The following IQCM variants were observed in gnomAD, a reference collection of about 807,000 sequenced individuals.
The protein encoded by IQCM is IQ motif containing M, also known as IQ domain-containing protein M.
A neutral mutation model predicts 57.6 loss-of-function variants in IQCM; 45 were observed. That is an observed-to-expected ratio of 0.78 (90% CI 0.62 to 1.00). The LOEUF is 1.00. Ranked by LOEUF, IQCM falls within the 50% of genes least tolerant of loss-of-function variation. The pLI, the probability that IQCM is intolerant of heterozygous loss-of-function variation, is 0.00. For synonymous variants in IQCM, 148 were observed against 158.9 expected (o/e 0.93, Z 0.51); for missense variants, 468 against 511.6 (o/e 0.91, Z 0.82).
intron 12 of IQCM, among the ~76,000 whole-genome samples, chr4:149,499,127 G>A (rs1477430908): frequency 6.6e-6 from 1 of 152,034 alleles, no homozygotes; most frequent in African/African-American, 2.4e-5. Flanking sequence ...ATAAAGCAGA[G>A]AAAGCATATA....
At chr4:149,564,951 T>A (rs1750473458) in intron 9 of IQCM, among the ~76,000 whole-genome samples, 1 of 152,222 alleles carries the variant, frequency 6.6e-6, no homozygotes. Flanking sequence ...TAACCTTGTG[T>A]CAGCTTTTTC....
At chr4:149,694,392 T>C (rs915772032) in intron 5 of IQCM, among the ~76,000 whole-genome samples, 2 of 151,756 alleles carry the variant, frequency 1.3e-5, no homozygotes, top group African/African-American at 2.4e-5. Context: ...GCCCGGCTAA[T>C]TTTTTGTATT....
At chr4:149,468,459 G>T (rs1192223194) in intron 12 of IQCM, among the ~76,000 whole-genome samples, 1 of 152,318 alleles carries the variant, frequency 6.6e-6, no homozygotes, top group East Asian at 1.9e-4. Context: ...GGCTTGAATA[G>T]GTAAAAGGAA....
chr4:149,449,484 T>G (rs536113274), intron 12 of IQCM, among the ~76,000 whole-genome samples: 37 of 149,194 alleles, frequency 2.5e-4, no homozygotes, highest in Non-Finnish European at 4.8e-4. Context: ...ACCAAAAAAG[T>G]ATTATTACTG....
intron 13 of IQCM, among the ~76,000 whole-genome samples, chr4:149,366,047 G>A (rs1406602102): frequency 6.6e-6 from 1 of 152,078 alleles, no homozygotes; most frequent in Non-Finnish European, 1.5e-5. Context: ...AGAAGTAGGG[G>A]AGGGAATTCT....
chr4:149,804,306 T>C (rs1773880743), intron 2 of IQCM, among the ~76,000 whole-genome samples: 1 of 152,040 alleles, frequency 6.6e-6, no homozygotes, highest in Non-Finnish European at 1.5e-5. Context: ...TTACAAAGTA[T>C]GGGGGCCTTC....
Position 149,433,534 on chromosome 4 carries a change from G to C in IQCM, c.1252C>G (p.Leu418Val). ...HQDGKEKYSE[L>V]IKKSKAIEML... ...TCAATTGCTTTGGACTTTTTGATTAGTTCAGAATATTTTTCTTTGCCATCT... is the reference window on the plus strand; with the variant it reads ...TCAATTGCTTTGGACTTTTTGATTACTTCAGAATATTTTTCTTTGCCATCT... Residue 418 changes from leucine (L) to valine (V), a missense_variant, in exon 13 of 14, where the codon CTA becomes GTA. Coordinates refer to ENST00000636793, the MANE Select transcript of IQCM (RefSeq NM_001363507.2). 1 of 1,176,638 alleles carries C rather than the reference G, an allele frequency of 8.5e-7. No individual in the cohort carries two copies. The highest frequency in any genetic ancestry group is 1.1e-6 in the Non-Finnish European group (1 of 938,016). The allele number at this position is 1,176,638 out of a possible 1,614,324, so 72.9% of individuals were successfully genotyped here.
chr4:149,393,111 G>C (rs1029315519), intron 13 of IQCM, among the ~76,000 whole-genome samples: 2 of 151,910 alleles, frequency 1.3e-5, no homozygotes, highest in Admixed American at 1.3e-4. Flanking sequence ...GGAATTTAAG[G>C]CTAGTGAGCT....
chr4:149,510,475 AT>A (rs990075552), intron 12 of IQCM, among the ~76,000 whole-genome samples: 2 of 152,152 alleles, frequency 1.3e-5, no homozygotes, highest in Admixed American at 1.3e-4. Flanking sequence ...TTTTGGAAGA[AT>A]TTTAGATTTA....
At chr4:149,482,149 ATTTG>A (rs1740972908) in intron 12 of IQCM, among the ~76,000 whole-genome samples, 2 of 151,920 alleles carry the variant, frequency 1.3e-5, no homozygotes, top group Admixed American at 1.3e-4. Flanking sequence ...CTTAACTGAA[ATTTG>A]TTTTTCAGTT....
chr4:149,764,364 C>T (rs1167838064), intron 2 of IQCM, among the ~76,000 whole-genome samples: 8 of 152,166 alleles, frequency 5.3e-5, no homozygotes, highest in Non-Finnish European at 1.0e-4. Context: ...CCTCACTAGC[C>T]TGGACAGACT....
intron 2 of IQCM, among the ~76,000 whole-genome samples, chr4:149,784,970 A>C: frequency 6.6e-6 from 1 of 152,344 alleles, no homozygotes; most frequent in Middle Eastern, 3.4e-3. Context: ...AACAATCAAA[A>C]TGAATACACT....
chr4:149,622,602 C>T lies in IQCM; in HGVS notation c.566-1358G>A, dbSNP rs1489315587. 3.3e-5 allele frequency among the ~76,000 whole-genome samples: 5 copies of T among 152,086 alleles called. No homozygotes were observed. The East Asian group carries it at 7.7e-4, about 23-fold the overall frequency. ...ATTCAACGGAAGCAAAGGCCAATAA[C>T]GAGTAGCTTGTAGAGAATCTGAGCA... On this transcript the variant is annotated intron_variant, in intron 7 of 13. Transcript: ENST00000636793.
chr4:149,495,214 G>A (rs1742531057), intron 12 of IQCM, among the ~76,000 whole-genome samples: 1 of 152,038 alleles, frequency 6.6e-6, no homozygotes, highest in African/African-American at 2.4e-5. Context: ...ACTCTCTTAT[G>A]GCATGGATAT....
chr4:149,440,559 T>C (rs1289234883), intron 12 of IQCM, among the ~76,000 whole-genome samples: 1 of 152,122 alleles, frequency 6.6e-6, no homozygotes. Flanking sequence ...CTTTATGCAT[T>C]TACTCAACAA....
chr4:149,570,594 G>A (rs1367491841), intron 9 of IQCM, among the ~76,000 whole-genome samples: 1 of 151,980 alleles, frequency 6.6e-6, no homozygotes, highest in Non-Finnish European at 1.5e-5. Context: ...ACTGACAGGG[G>A]CAATAAAAAT....
chr4:149,707,373 C>A (rs1486076694), intron 5 of IQCM, among the ~76,000 whole-genome samples: 2 of 151,994 alleles, frequency 1.3e-5, no homozygotes, highest in African/African-American at 4.8e-5. Flanking sequence ...ACAATAGACA[C>A]ATTGTTTATA....
chr4:149,596,413 C>T (rs766592251), intron 8 of IQCM, among the ~76,000 whole-genome samples: 9 of 152,030 alleles, frequency 5.9e-5, no homozygotes, highest in Non-Finnish European at 1.2e-4. Flanking sequence ...CTTGTCTTTG[C>T]CTTGGGGATG....
chr4:149,806,922 A>G lies in IQCM; in HGVS notation c.-49+8389T>C, dbSNP rs150968423. ...AAATCAAGAAAACAATCCCATTTAC[A>G]ATAGCTACAAAACAGGAATAAATTA... On this transcript the variant is annotated intron_variant, in intron 2 of 13. Coordinates refer to ENST00000636793, the MANE Select transcript of IQCM (RefSeq NM_001363507.2). 8.9e-3 allele frequency among the ~76,000 whole-genome samples: 1,352 copies of G among 152,068 alleles called. 15 individuals are homozygous for G. Among genetic ancestry groups the G allele is most frequent in the African/African-American group, 0.026 (1,091 of 41,560 alleles).
Sources: allele counts gnomAD v4.1 joint callset (sites outside exome capture counted in the v4.1 genomes callset), GRCh38; gene constraint gnomAD v4.1.1; transcripts MANE v1.5; gene names NCBI Gene and HGNC (gene_info 2026-07-23, HGNC 2026-07-21).